Variants in LRRCC1 observed in about 807,000 individuals in gnomAD.
The protein encoded by LRRCC1 is leucine-rich repeat and coiled-coil domain-containing protein 1.
A neutral mutation model predicts 126.0 loss-of-function variants in LRRCC1; 115 were observed. That is an observed-to-expected ratio of 0.91 (90% CI 0.78 to 1.07). LRRCC1 has a LOEUF of 1.07. Among genes scored for constraint, LRRCC1 ranks in the 50% least tolerant of loss-of-function variants. The pLI, the probability that LRRCC1 is intolerant of heterozygous loss-of-function variation, is 0.00. For missense variants in LRRCC1, 1,172 were observed against 1,175.7 expected (o/e 1.00, Z 0.05); for synonymous variants, 400 against 393.4 (o/e 1.02, Z -0.20).
intron 10 of LRRCC1, 69 bp from the exon 11 acceptor site, chr8:85,129,850 T>C (rs1466453353): frequency 9.0e-6 from 11 of 1,216,714 alleles, no homozygotes; most frequent in Non-Finnish European, 1.2e-5. Context: ...AAGGTACTTA[T>C]GGAAACTGAC....
intron 11 of LRRCC1, among the ~76,000 whole-genome samples, chr8:85,131,297 G>T (rs76512243): frequency 0.034 from 5,215 of 152,250 alleles, 278 homozygotes; most frequent in African/African-American, 0.12. Context: ...TTTGAGTAAT[G>T]CAAGAAAAGT....
intron 6 of LRRCC1, among the ~76,000 whole-genome samples, chr8:85,120,318 G>A (rs1809442615): frequency 6.6e-6 from 1 of 151,988 alleles, no homozygotes; most frequent in Non-Finnish European, 1.5e-5. Context: ...AGGTGGGGGG[G>A]TTGATCTAGT....
intron 18 of LRRCC1, among the ~76,000 whole-genome samples, chr8:85,143,951 T>C (rs907115704): frequency 3.9e-5 from 6 of 152,062 alleles, no homozygotes; most frequent in Admixed American, 1.3e-4. Flanking sequence ...GGAAAAGAGA[T>C]TGAGAGATCT....
chr8:85,132,222 G>A (rs1367779962), intron 12 of LRRCC1, among the ~76,000 whole-genome samples: 1 of 152,168 alleles, frequency 6.6e-6, no homozygotes, highest in East Asian at 1.9e-4. Context: ...TATTACTGTA[G>A]AGCAGGGATT....
intron 17 of LRRCC1, among the ~76,000 whole-genome samples, chr8:85,139,011 A>AGGTGTAAGC (rs1811066176): frequency 2.6e-5 from 4 of 151,964 alleles, no homozygotes; most frequent in Non-Finnish European, 5.9e-5. Flanking sequence ...ACACCATTGC[A>AGGTGTAAGC]CTCCAGCCTG....
At chr8:85,145,117 G>GTGTATATATATATA (rs1554679351) in intron 18 of LRRCC1, among the ~76,000 whole-genome samples, 1 of 143,332 alleles carries the variant, frequency 7.0e-6, no homozygotes, top group African/African-American at 2.6e-5. Context: ...ATATATGTGT[G>GTGTATATATATATA]TATATATATA....
At position 85,145,892 on chromosome 8, in the gene LRRCC1, G is replaced by T. The variant is rs1171518396; in HGVS notation, c.*381G>T. 1.3e-5 allele frequency: 2 copies of T among 152,804 alleles called. No individual in the cohort carries two copies. The highest frequency in any genetic ancestry group is 2.9e-5 in the Non-Finnish European group (2 of 68,486). The allele number at this position is 152,804 out of a possible 1,614,324, so 9.5% of individuals were successfully genotyped here. A position where few individuals can be genotyped will look rare whatever the true frequency, so the allele number is the denominator to read the frequency against. ...TGATGATGAAGAACTAATTATATTT[G>T]TTATTTAATTGATGTAGCTCAATTC... On this transcript the variant is annotated 3_prime_UTR_variant, in exon 19 of 19. Coordinates refer to ENST00000360375, the MANE Select transcript of LRRCC1 (RefSeq NM_033402.5).
In LRRCC1 at chr8:85,131,958, A is replaced by C; in HGVS notation, c.1965A>C (p.Gln655His). 2 of 1,607,876 alleles carry C rather than the reference A, an allele frequency of 1.2e-6. No homozygotes were observed. Among genetic ancestry groups the C allele is most frequent in the Non-Finnish European group, 1.7e-6 (2 of 1,178,240 alleles). Reference protein sequence around the residue: ...IALTVEARRFQDVKDGFENVA... With the variant: ...IALTVEARRFHDVKDGFENVA... ...TAACTGTTGAAGCCAGAAGATTTCA[A>C]GATGTAAGAATTGGCACCCAGCTTT... The change falls in exon 12 of 19, where the codon CAA (glutamine) becomes CAC (histidine). Residue 655 changes from glutamine to histidine, a missense_variant. Physicochemically the swap from Gln to His is conservative, Grantham distance 24. Transcript: ENST00000360375.
chr8:85,130,088 G>C, intron 11 of LRRCC1, 30 bp downstream of exon 11: 1 of 1,491,806 alleles, frequency 6.7e-7, no homozygotes, highest in Non-Finnish European at 8.9e-7. Context: ...GGAATGTATT[G>C]GCATTTAAAA....
intron 13 of LRRCC1, 55 bp downstream of exon 13, chr8:85,135,087 T>C (rs1021553152): frequency 7.7e-7 from 1 of 1,298,526 alleles, no homozygotes; most frequent in Non-Finnish European, 1.0e-6. Context: ...TTTTCTCAAG[T>C]GGGTTGTGAT....
Position 85,109,894 on chromosome 8 carries a change from T to C in LRRCC1, c.310+94T>C, listed in dbSNP as rs1808567223. The C allele has an allele frequency of 4.4e-6, 3 of 686,748 alleles. No individual in the cohort carries two copies. In the African/African-American group the frequency reaches 5.5e-5, roughly 13 times the overall value. 42.5% of individuals were successfully genotyped at this position (686,748 alleles called of 1,614,324 possible). The stretch of plus-strand genomic sequence containing the variant: ...AGAATGGAATAAATATCAGAAACTC[T>C]TAAAAATTGAGTCTGAAACTCATTA... On this transcript the variant is annotated intron_variant, in intron 2 of 18. Coordinates refer to ENST00000360375, the MANE Select transcript of LRRCC1 (RefSeq NM_033402.5).
chr8:85,128,346 C>T (rs999198203), intron 9 of LRRCC1, among the ~76,000 whole-genome samples: 4 of 151,972 alleles, frequency 2.6e-5, no homozygotes, highest in African/African-American at 4.8e-5. Context: ...TTGTTGTGCC[C>T]GTGTTTCCCA....
chr8:85,136,515 TC>T (rs1431033889), intron 14 of LRRCC1, among the ~76,000 whole-genome samples: 1 of 152,114 alleles, frequency 6.6e-6, no homozygotes, highest in African/African-American at 2.4e-5. Flanking sequence ...CCTCAGGTGA[TC>T]CGCCCACCTT....
chr8:85,120,961 A>G (rs749348415), intron 6 of LRRCC1, among the ~76,000 whole-genome samples: 3 of 152,230 alleles, frequency 2.0e-5, no homozygotes, highest in Non-Finnish European at 2.9e-5. Flanking sequence ...TCTTGGCTAT[A>G]TCCCCAGAAG....
At chr8:85,109,264 GGATATT>G (rs1215582152) in intron 1 of LRRCC1, 1 of 242,840 alleles carries the variant, frequency 4.1e-6, no homozygotes, top group Non-Finnish European at 7.8e-6. Flanking sequence ...ATTCAAACTG[GGATATT>G]AACATTCCAA....
intron 8 of LRRCC1, among the ~76,000 whole-genome samples, chr8:85,126,260 A>G (rs1809986203): frequency 6.6e-6 from 1 of 152,304 alleles, no homozygotes; most frequent in Admixed American, 6.5e-5. Flanking sequence ...CTTTGCTACC[A>G]GTAACATAAT....
chr8:85,110,554 G>T (rs1808628308), intron 3 of LRRCC1, among the ~76,000 whole-genome samples: 1 of 152,230 alleles, frequency 6.6e-6, no homozygotes, highest in South Asian at 2.1e-4. Flanking sequence ...GCAGCCAGTA[G>T]CCAAATGTGG....
intron 14 of LRRCC1, among the ~76,000 whole-genome samples, chr8:85,136,292 G>A (rs77668823): frequency 7.3e-6 from 1 of 137,508 alleles, no homozygotes; most frequent in Non-Finnish European, 1.6e-5. Flanking sequence ...TTTTTTTTTT[G>A]AGACAGAGTT....
intron 8 of LRRCC1, among the ~76,000 whole-genome samples, chr8:85,125,305 C>A (rs1809889864): frequency 6.6e-6 from 1 of 151,850 alleles, no homozygotes. Context: ...TTTTTACACT[C>A]AAAAAAATGT....
Sources: gnomAD v4.1 joint callset for allele counts (sites outside exome capture counted in the v4.1 genomes callset) on GRCh38, gnomAD v4.1.1 for gene constraint, MANE v1.5 for transcripts, NCBI Gene and HGNC (gene_info 2026-07-23, HGNC 2026-07-21) for gene names.